HUNK: variants seen among roughly 807,000 people sequenced by gnomAD.
The protein encoded by HUNK is hormonally up-regulated Neu-associated kinase.
Under a neutral mutation model 61.0 loss-of-function variants are expected in HUNK, and 21 were observed. The observed-to-expected ratio is 0.34, with a 90% CI of 0.24 to 0.50. The LOEUF is 0.50. Ranked by LOEUF, HUNK falls within the 20% of genes least tolerant of loss-of-function variation. The pLI is 0.98. For missense variants in HUNK, 772 were observed against 945.7 expected (o/e 0.82, Z 2.41); for synonymous variants, 371 against 386.1 (o/e 0.96, Z 0.46).
intron 2 of HUNK, among the ~76,000 whole-genome samples, chr21:31,928,661 A>G (rs992675967): frequency 1.3e-5 from 2 of 152,178 alleles, no homozygotes; most frequent in African/African-American, 4.8e-5. Context: ...GCACACGGAC[A>G]TAGGTGATTA....
In HUNK at chr21:31,995,874, T is replaced by A; in HGVS notation, c.1412T>A (p.Leu471His). Residue 471 changes from leucine (L) to histidine (H), a missense_variant, in exon 10 of 11, where the codon CTT (leucine) becomes CAT (histidine). Physicochemically the swap from Leu to His is moderately conservative, Grantham distance 99. Coordinates refer to ENST00000270112, the MANE Select transcript of HUNK (RefSeq NM_014586.2). ...LPSHKQPSGSLMTQIQNTKAL... is the reference protein window; with the variant it reads ...LPSHKQPSGSHMTQIQNTKAL... ...TCGCACAAACAGCCCTCAGGCTCGC[T>A]TATGACACAGATTCAGAACACCAAA... is the stretch of plus-strand genomic sequence containing the variant. 1 of 1,614,120 alleles carries A rather than the reference T, an allele frequency of 6.2e-7. No individual in the cohort carries two copies. Among genetic ancestry groups the A allele is most frequent in the East Asian group, 2.2e-5 (1 of 44,882 alleles).
At chr21:31,941,585 G>A (rs1431611126) in intron 3 of HUNK, among the ~76,000 whole-genome samples, 2 of 152,216 alleles carry the variant, frequency 1.3e-5, no homozygotes, top group Non-Finnish European at 2.9e-5. Context: ...GGGATTACAG[G>A]CATGAGCCAC....
intron 1 of HUNK, among the ~76,000 whole-genome samples, chr21:31,890,051 A>G (rs2052375042): frequency 6.6e-6 from 1 of 152,288 alleles, no homozygotes; most frequent in Admixed American, 6.5e-5. Flanking sequence ...TCTTTAAATC[A>G]GTTAAGTCAC....
At chr21:31,933,107 G>C (rs2052709632) in intron 2 of HUNK, among the ~76,000 whole-genome samples, 1 of 151,528 alleles carries the variant, frequency 6.6e-6, no homozygotes, top group African/African-American at 2.4e-5. Flanking sequence ...GTAGAGACAG[G>C]GTTTCACCAT....
intron 4 of HUNK, among the ~76,000 whole-genome samples, chr21:31,955,883 G>A (rs1273186129): frequency 3.3e-5 from 5 of 152,252 alleles, no homozygotes. Flanking sequence ...TTAGAGCCAA[G>A]ATTAGGCACT....
intron 7 of HUNK, among the ~76,000 whole-genome samples, chr21:31,980,614 G>A (rs1411057018): frequency 2.0e-5 from 3 of 151,878 alleles, no homozygotes; most frequent in Non-Finnish European, 4.4e-5. Flanking sequence ...GGCCAGGATG[G>A]TCTTGATCTC....
At chr21:31,990,210 G>T in intron 9 of HUNK, 34 bp downstream of exon 9, 2 of 1,573,538 alleles carry the variant, frequency 1.3e-6, no homozygotes, top group Non-Finnish European at 1.7e-6. Context: ...GTTAGTCAGG[G>T]TTCTCCAGAG....
In HUNK at chr21:31,998,894, C is replaced by G; in HGVS notation, c.1855C>G (p.Leu619Val). The change falls in exon 11 of 11, where the codon CTG becomes GTG. Residue 619 changes from leucine to valine, a missense_variant. By Grantham distance (32) the Leu-to-Val change is conservative (BLOSUM62 1). Coordinates refer to ENST00000270112, the MANE Select transcript of HUNK (RefSeq NM_014586.2). ...TCTCCATACTCCTTTGCATCCAACTCTGGTCTCTTTTGCTCACGAAGATAA... is the reference window on the plus strand; with the variant it reads ...TCTCCATACTCCTTTGCATCCAACTGTGGTCTCTTTTGCTCACGAAGATAA... The part of the protein sequence containing the change: ...SPLHTPLHPT[L>V]VSFAHEDKNS... The G allele has an allele frequency of 6.2e-7, 1 of 1,614,258 alleles. No homozygotes were observed.
rs2053255712 is a variant in HUNK at position 32,002,925 on chromosome 21, G to A, written c.*3741G>A. On this transcript the variant is annotated 3_prime_UTR_variant, in exon 11 of 11. Transcript: ENST00000270112. ...ACAAGTATCTAGTTTTGATGACAAT[G>A]TTTTCTTGTAAGAATCCCAACACTT... The A allele has an allele frequency of 6.6e-6, 1 of 152,182 alleles. No individual in the cohort carries two copies. Among genetic ancestry groups the A allele is most frequent in the Non-Finnish European group, 1.5e-5 (1 of 68,032 alleles). 9.4% of individuals were successfully genotyped at this position (152,182 alleles called of 1,614,324 possible).
intron 1 of HUNK, among the ~76,000 whole-genome samples, chr21:31,893,545 G>T (rs1008038927): frequency 2.0e-5 from 3 of 152,038 alleles, no homozygotes; most frequent in Non-Finnish European, 4.4e-5. Flanking sequence ...GGTATTACTG[G>T]GTTGTCTTGT....
In HUNK at chr21:31,998,700, T is replaced by A. The variant is rs370806705; in HGVS notation, c.1661T>A (p.Leu554Gln). 9.9e-6 allele frequency: 16 copies of A among 1,613,992 alleles called. No individual in the cohort carries two copies. The highest frequency in any genetic ancestry group is 6.6e-5 in the South Asian group (6 of 91,080). The change falls in exon 11 of 11, where the codon CTG becomes CAG. Residue 554 changes from leucine (L) to glutamine (Q), a missense_variant. Physicochemically the swap from Leu to Gln is moderately radical, Grantham distance 113. Transcript: ENST00000270112. ...GGCATCCCCCACAAGGAAGACCCCC[T>A]GATGCTGGACATGGTGCGCTCCTTC... ...STGIPHKEDPLMLDMVRSFES... is the reference protein window; with the variant it reads ...STGIPHKEDPQMLDMVRSFES...
At chr21:31,927,818 CT>C (rs2052671342) in intron 2 of HUNK, among the ~76,000 whole-genome samples, 1 of 152,116 alleles carries the variant, frequency 6.6e-6, no homozygotes, top group African/African-American at 2.4e-5. Context: ...TTGTCCAGGC[CT>C]TTTCTAGAGC....
chr21:31,890,395 A>C (rs892835734), intron 1 of HUNK, among the ~76,000 whole-genome samples: 2 of 151,964 alleles, frequency 1.3e-5, no homozygotes, highest in African/African-American at 4.8e-5. Context: ...TGCCCAGCTA[A>C]TTTTTGTATT....
chr21:31,914,379 G>GCCTGGGCAACAAGAGTGA (rs2052567243), intron 1 of HUNK, among the ~76,000 whole-genome samples: 1 of 115,432 alleles, frequency 8.7e-6, no homozygotes, highest in Non-Finnish European at 1.6e-5. Context: ...TTGTACTCCA[G>GCCTGGGCAACAAGAGTGA]CCTGGGCAAC....
intron 2 of HUNK, among the ~76,000 whole-genome samples, chr21:31,927,089 G>T (rs1414238724): frequency 2.0e-5 from 3 of 151,156 alleles, no homozygotes; most frequent in Non-Finnish European, 4.4e-5. Flanking sequence ...CGCCCAGACT[G>T]GAGTGCAGTG....
chr21:31,968,464 G>A, intron 6 of HUNK, 79 bp downstream of exon 6: 2 of 1,540,996 alleles, frequency 1.3e-6, no homozygotes, highest in South Asian at 1.2e-5. Context: ...CGGACAGAAA[G>A]CTGTCCGTGA....
intron 1 of HUNK, among the ~76,000 whole-genome samples, chr21:31,893,136 C>G (rs1013786129): frequency 4.0e-5 from 6 of 151,892 alleles, no homozygotes; most frequent in African/African-American, 1.5e-4. Context: ...CATGGGAGTC[C>G]CACAGAATAT....
At chr21:31,882,176 A>T (rs1282598382) in intron 1 of HUNK, among the ~76,000 whole-genome samples, 1 of 152,162 alleles carries the variant, frequency 6.6e-6, no homozygotes, top group Admixed American at 6.5e-5. Context: ...GGACAAAAAA[A>T]ACTACTCAGG....
At chr21:31,967,882 G>C (rs1305611894) in intron 5 of HUNK, among the ~76,000 whole-genome samples, 1 of 152,190 alleles carries the variant, frequency 6.6e-6, no homozygotes, top group Non-Finnish European at 1.5e-5. Flanking sequence ...TGAGCAACAA[G>C]AAAAGACCAC....
Sources: gnomAD v4.1 joint callset for allele counts (sites outside exome capture counted in the v4.1 genomes callset) on GRCh38, gnomAD v4.1.1 for gene constraint, MANE v1.5 for transcripts, NCBI Gene and HGNC (gene_info 2026-07-23, HGNC 2026-07-21) for gene names.